NFKB1: variants seen among roughly 807,000 people sequenced by gnomAD.
The protein encoded by NFKB1 is nuclear factor NF-kappa-B p105 subunit.
Under a neutral mutation model 105.1 loss-of-function variants are expected in NFKB1, and 9 were observed. The observed-to-expected ratio is 0.09, with a 90% confidence interval of 0.05 to 0.15. The LOEUF (loss-of-function observed/expected upper bound fraction) is 0.15. Ranked by LOEUF, NFKB1 falls within the 10% of genes least tolerant of loss-of-function variation. The pLI, the probability that NFKB1 is intolerant of heterozygous loss-of-function variation, is 1.00. For missense variants in NFKB1, 830 were observed against 1,203.7 expected (o/e 0.69, Z 4.59); for synonymous variants, 440 against 442.2 (o/e 1.00, Z 0.06).
At chr4:102,535,707 TCA>T (rs1741592168) in intron 4 of NFKB1, among the ~76,000 whole-genome samples, 1 of 152,156 alleles carries the variant, frequency 6.6e-6, no homozygotes, top group South Asian at 2.1e-4. Flanking sequence ...ATTTTCATCC[TCA>T]GATTAAAAAC....
chr4:102,613,061 C>A (rs1728573957), intron 22 of NFKB1, among the ~76,000 whole-genome samples: 1 of 151,630 alleles, frequency 6.6e-6, no homozygotes, highest in Non-Finnish European at 1.5e-5. Context: ...GTGAAGTTTT[C>A]TGTTGAAAAT....
At chr4:102,594,863 T>C in intron 12 of NFKB1, 29 bp from the exon 13 acceptor site, 1 of 1,475,842 alleles carries the variant, frequency 6.8e-7, no homozygotes, top group Non-Finnish European at 9.5e-7. Context: ...ATCTTCATGA[T>C]GTTTCATTTG....
intron 3 of NFKB1, among the ~76,000 whole-genome samples, chr4:102,530,913 A>G (rs1314112825): frequency 3.9e-5 from 6 of 152,138 alleles, no homozygotes; most frequent in Non-Finnish European, 7.4e-5. Context: ...CTTTACCCCT[A>G]CAAAACATTA....
chr4:102,611,741 C>T (rs1728434975), intron 20 of NFKB1, among the ~76,000 whole-genome samples: 1 of 152,218 alleles, frequency 6.6e-6, no homozygotes, highest in Admixed American at 6.5e-5. Flanking sequence ...ACATGGTGGC[C>T]TGGACTGCCT....
At chr4:102,567,292 G>A (rs1723958052) in intron 6 of NFKB1, among the ~76,000 whole-genome samples, 157 bp downstream of exon 6, 1 of 152,160 alleles carries the variant, frequency 6.6e-6, no homozygotes, top group Non-Finnish European at 1.5e-5. Flanking sequence ...TGGACTCCAG[G>A]AAGTAAGGTG....
rs763986359 is a variant in NFKB1 at position 102,613,595 on chromosome 4, CA to C, written c.2749+18del. ...GGCAGCAAATAGGTAAAAAAAAAGA[CA>C]AAAGACAGTGGAGATATTTTCCAGC... is the stretch of plus-strand genomic sequence containing the variant. On this transcript the variant is annotated intron_variant, in intron 23 of 23. Coordinates refer to ENST00000226574, the MANE Select transcript of NFKB1 (RefSeq NM_003998.4). 9.3e-6 allele frequency: 15 copies of C among 1,609,174 alleles called. No individual in the cohort carries two copies. The highest frequency in any genetic ancestry group is 1.2e-5 in the Non-Finnish European group (14 of 1,177,630).
At chr4:102,603,157 C>G (rs1189570088) in intron 16 of NFKB1, among the ~76,000 whole-genome samples, 16 of 152,124 alleles carry the variant, frequency 1.1e-4, no homozygotes, top group Non-Finnish European at 7.4e-5. Context: ...ACTGCAACCT[C>G]CACCTCCCAG....
chr4:102,567,273 G>T, intron 6 of NFKB1, 138 bp downstream of exon 6: 1 of 894,780 alleles, frequency 1.1e-6, no homozygotes, highest in Non-Finnish European at 1.7e-6. Context: ...GTAAACTTGT[G>T]CTTTCATTTG....
intron 5 of NFKB1, among the ~76,000 whole-genome samples, chr4:102,542,961 C>A (rs1173464331): frequency 6.6e-6 from 1 of 152,200 alleles, no homozygotes; most frequent in Non-Finnish European, 1.5e-5. Flanking sequence ...AATTTCCCAT[C>A]ATTAAACATT....
chr4:102,551,374 G>A (rs1226582832), intron 5 of NFKB1, among the ~76,000 whole-genome samples: 5 of 150,566 alleles, frequency 3.3e-5, no homozygotes, highest in South Asian at 4.2e-4. Flanking sequence ...GTGTGCGCGC[G>A]CGCATGTGTG....
At chr4:102,536,031 A>G (rs1741613873) in intron 4 of NFKB1, among the ~76,000 whole-genome samples, 1 of 152,066 alleles carries the variant, frequency 6.6e-6, no homozygotes, top group African/African-American at 2.4e-5. Context: ...GTTGCATATT[A>G]ATCAGTGTTA....
intron 1 of NFKB1, among the ~76,000 whole-genome samples, chr4:102,516,095 A>T (rs1009691896): frequency 6.6e-6 from 1 of 152,022 alleles, no homozygotes; most frequent in Admixed American, 6.5e-5. Flanking sequence ...TCTAATGATC[A>T]TCAGAAACAT....
At chr4:102,502,365 C>A (rs534756223) in intron 1 of NFKB1, among the ~76,000 whole-genome samples, 18 of 141,428 alleles carry the variant, frequency 1.3e-4, no homozygotes, top group Middle Eastern at 3.6e-3. Context: ...CTCCCCCCTC[C>A]CCCCCTCCGT....
chr4:102,604,484 C>G (rs1727509277), intron 16 of NFKB1, among the ~76,000 whole-genome samples: 1 of 152,016 alleles, frequency 6.6e-6, no homozygotes, highest in Non-Finnish European at 1.5e-5. Context: ...CAGATTTCAC[C>G]AGTTTTACAC....
intron 5 of NFKB1, among the ~76,000 whole-genome samples, chr4:102,550,312 C>T (rs938430683): frequency 6.6e-6 from 1 of 152,138 alleles, no homozygotes; most frequent in Non-Finnish European, 1.5e-5. Context: ...ACCTTCACTA[C>T]CCCAGTCCAG....
intron 6 of NFKB1, among the ~76,000 whole-genome samples, chr4:102,569,538 G>A (rs1220916624): frequency 3.3e-5 from 5 of 152,032 alleles, no homozygotes; most frequent in Non-Finnish European, 5.9e-5. Flanking sequence ...TCTTAGACTT[G>A]TCAATACTAG....
chr4:102,575,328 C>G (rs1724728342), intron 6 of NFKB1, among the ~76,000 whole-genome samples: 1 of 152,182 alleles, frequency 6.6e-6, no homozygotes, highest in Non-Finnish European at 1.5e-5. Context: ...TCATTTCATT[C>G]TGCCTTATAA....
chr4:102,600,734 C>A (rs1194189138), intron 15 of NFKB1, among the ~76,000 whole-genome samples, 161 bp from the exon 16 acceptor site: 1 of 152,206 alleles, frequency 6.6e-6, no homozygotes, highest in Non-Finnish European at 1.5e-5. Flanking sequence ...GAGACAGCAT[C>A]CCACCTCAGA....
chr4:102,586,238 C>A (rs543033620), intron 11 of NFKB1, among the ~76,000 whole-genome samples: 1 of 152,088 alleles, frequency 6.6e-6, no homozygotes, highest in African/African-American at 2.4e-5. Context: ...TCAAGAGGGC[C>A]TAGAGGTCGG....
Sources: allele counts gnomAD v4.1 joint callset (sites outside exome capture counted in the v4.1 genomes callset), GRCh38; gene constraint gnomAD v4.1.1; transcripts MANE v1.5; gene names NCBI Gene and HGNC (gene_info 2026-07-23, HGNC 2026-07-21).